Variants in CSMD2 observed in about 807,000 individuals in gnomAD.
The protein encoded by CSMD2 is CUB and sushi domain-containing protein 2.
Under a neutral mutation model 398.5 loss-of-function variants are expected in CSMD2, and 130 were observed. That is an observed-to-expected ratio of 0.33 (90% CI 0.28 to 0.38). CSMD2 has a LOEUF of 0.38. Among genes scored for constraint, CSMD2 ranks in the 10% least tolerant of loss-of-function variants. CSMD2 has a pLI of 1.00. For missense variants in CSMD2, 3,829 were observed against 4,764.9 expected (o/e 0.80, Z 5.78); for synonymous variants, 1,828 against 1,908.5 (o/e 0.96, Z 1.10).
chr1:33,523,683 A>C (rs775424760), intron 66 of CSMD2, among the ~76,000 whole-genome samples: 1 of 152,224 alleles, frequency 6.6e-6, no homozygotes. Context: ...TGCTATTGAC[A>C]CAGGCATGTG....
chr1:33,947,689 G>T (rs187505390), intron 3 of CSMD2, among the ~76,000 whole-genome samples: 1 of 152,162 alleles, frequency 6.6e-6, no homozygotes, highest in Non-Finnish European at 1.5e-5. Context: ...TGAACAGGGC[G>T]ACTGCAAAAG....
chr1:34,165,582 CCACACA>C (rs373165115), upstream of CSMD2, among the ~76,000 whole-genome samples: 1 of 150,070 alleles, frequency 6.7e-6, no homozygotes, highest in African/African-American at 2.5e-5. Flanking sequence ...ACCCCCCTCT[CCACACA>C]CACACACACA....
At chr1:33,682,256 G>A (rs1395354366) in intron 25 of CSMD2, among the ~76,000 whole-genome samples, 1 of 152,140 alleles carries the variant, frequency 6.6e-6, no homozygotes, top group African/African-American at 2.4e-5. Flanking sequence ...GCATGTGGTG[G>A]CATCTAGGGT....
intron 3 of CSMD2, among the ~76,000 whole-genome samples, chr1:33,955,614 A>C (rs2125381273): frequency 6.6e-6 from 1 of 152,306 alleles, no homozygotes; most frequent in Middle Eastern, 3.4e-3. Context: ...CTGTAGAATG[A>C]AATGTAGAAT....
intron 21 of CSMD2, among the ~76,000 whole-genome samples, chr1:33,713,318 AC>A (rs1177814813): frequency 6.6e-6 from 1 of 152,192 alleles, no homozygotes; most frequent in Non-Finnish European, 1.5e-5. Flanking sequence ...AGCTGACCTC[AC>A]TGGCATTTGA....
At chr1:33,520,436 A>T (rs370895914) in intron 68 of CSMD2, among the ~76,000 whole-genome samples, 27 of 152,174 alleles carry the variant, frequency 1.8e-4, no homozygotes, top group African/African-American at 6.3e-4. Flanking sequence ...TCAGAAGAAC[A>T]CAAGTAGAAA....
intron 12 of CSMD2, among the ~76,000 whole-genome samples, chr1:33,783,431 TTCTCTCTCTCTCTCTCTCTCTCTC>T (rs55769634): frequency 0.022 from 3,031 of 135,256 alleles, 113 homozygotes; most frequent in African/African-American, 0.083. Context: ...CATTCTCTCA[TTCTCTCTCTCTCTCTCTCTCTCTC>T]TCTCTCTCTC....
At chr1:33,610,226 A>ATTTT (rs11367076) in intron 41 of CSMD2, among the ~76,000 whole-genome samples, 4 of 144,440 alleles carry the variant, frequency 2.8e-5, no homozygotes, top group African/African-American at 1.0e-4. Context: ...CAGTGTTTAG[A>ATTTT]TTTTTTTTTT....
At chr1:34,113,058 T>A (rs559556983) in intron 1 of CSMD2, 8 of 152,116 alleles carry the variant, frequency 5.3e-5, no homozygotes, top group Non-Finnish European at 7.3e-5. Context: ...AAGAAGGACA[T>A]GGATGGGAAG....
At chr1:33,561,608 G>T (rs747723700) in intron 53 of CSMD2, among the ~76,000 whole-genome samples, 4 of 152,212 alleles carry the variant, frequency 2.6e-5, no homozygotes, top group Non-Finnish European at 5.9e-5. Context: ...CTTGTAGGAG[G>T]GCAGGCAGGG....
At chr1:33,976,571 C>A (rs1194212011) in intron 3 of CSMD2, among the ~76,000 whole-genome samples, 1 of 152,126 alleles carries the variant, frequency 6.6e-6, no homozygotes, top group Non-Finnish European at 1.5e-5. Flanking sequence ...GAATCCCTGA[C>A]CCAAGGCAGA....
chr1:33,548,404 A>C (rs962078740), intron 56 of CSMD2, among the ~76,000 whole-genome samples: 2 of 152,138 alleles, frequency 1.3e-5, no homozygotes, highest in Non-Finnish European at 2.9e-5. Context: ...GACAGTGGAG[A>C]TGTGGGTGGT....
chr1:33,576,319 G>T (rs1393469281), intron 49 of CSMD2, among the ~76,000 whole-genome samples: 1 of 152,136 alleles, frequency 6.6e-6, no homozygotes, highest in East Asian at 1.9e-4. Context: ...GTCCAGGCGC[G>T]GTGGCTCACA....
chr1:33,758,914 C>T (rs939563247), intron 13 of CSMD2, among the ~76,000 whole-genome samples: 13 of 152,236 alleles, frequency 8.5e-5, no homozygotes, highest in African/African-American at 2.4e-4. Context: ...TGTCCCAGAA[C>T]GAGATGTTAT....
chr1:33,742,617 G>C (rs1483102870), intron 14 of CSMD2, among the ~76,000 whole-genome samples: 1 of 113,032 alleles, frequency 8.8e-6, no homozygotes, highest in African/African-American at 3.6e-5. Flanking sequence ...ACGAGATACA[G>C]AAATAAAAAT....
At chr1:33,676,387 G>C (rs1050803699) in intron 25 of CSMD2, among the ~76,000 whole-genome samples, 1 of 152,144 alleles carries the variant, frequency 6.6e-6, no homozygotes, top group African/African-American at 2.4e-5. Context: ...AAATAGCTAG[G>C]AATCCAACTT....
intron 13 of CSMD2, among the ~76,000 whole-genome samples, chr1:33,759,317 T>C (rs944400553): frequency 7.9e-6 from 1 of 126,348 alleles, no homozygotes; most frequent in East Asian, 2.1e-4. Flanking sequence ...TTCTTTTCTT[T>C]TTTTTTCTTT....
intron 2 of CSMD2, among the ~76,000 whole-genome samples, chr1:34,054,520 G>A (rs1401772531): frequency 6.6e-6 from 1 of 152,090 alleles, no homozygotes; most frequent in Non-Finnish European, 1.5e-5. Context: ...AGGAGATCGA[G>A]ACCATCCTGG....
At chr1:33,606,860 G>T (rs1479415335) in intron 41 of CSMD2, among the ~76,000 whole-genome samples, 1 of 152,202 alleles carries the variant, frequency 6.6e-6, no homozygotes, top group East Asian at 1.9e-4. Context: ...AACACTGAGA[G>T]AAACCTCAGA....
Sources: allele counts gnomAD v4.1 joint callset (sites outside exome capture counted in the v4.1 genomes callset), GRCh38; gene constraint gnomAD v4.1.1; transcripts MANE v1.5; gene names NCBI Gene and HGNC (gene_info 2026-07-23, HGNC 2026-07-21).